The following LRRC4C variants were observed in gnomAD, a reference collection of about 807,000 sequenced individuals.
LRRC4C encodes the protein leucine-rich repeat-containing protein 4C.
A neutral mutation model predicts 33.6 loss-of-function variants in LRRC4C; 5 were observed. The ratio of observed to expected loss-of-function variants is 0.15; its 90% confidence interval spans 0.08 to 0.31. The LOEUF (loss-of-function observed/expected upper bound fraction) is 0.31. Ranked by LOEUF, LRRC4C falls within the 10% of genes least tolerant of loss-of-function variation. LRRC4C has a pLI of 1.00. For synonymous variants in LRRC4C, 329 were observed against 302.0 expected (o/e 1.09, Z -0.93); for missense variants, 560 against 796.7 (o/e 0.70, Z 3.58).
chr11:40,722,481 A>G (rs1273990554), intron 2 of LRRC4C, among the ~76,000 whole-genome samples: 41 of 152,232 alleles, frequency 2.7e-4, no homozygotes, highest in Non-Finnish European at 1.6e-4. Context: ...TCTACAACCA[A>G]GAAACCCACA....
chr11:40,956,727 A>G (rs1958971697), intron 1 of LRRC4C, among the ~76,000 whole-genome samples: 1 of 151,792 alleles, frequency 6.6e-6, no homozygotes. Context: ...CAATATTCTT[A>G]TAACAAGTTA....
At chr11:40,762,895 G>T (rs1949286728) in intron 2 of LRRC4C, among the ~76,000 whole-genome samples, 1 of 151,828 alleles carries the variant, frequency 6.6e-6, no homozygotes, top group Admixed American at 6.6e-5. Context: ...TTTTAGAGAT[G>T]ATATGATGCT....
chr11:40,592,600 G>A (rs1297338490), intron 3 of LRRC4C, among the ~76,000 whole-genome samples: 1 of 152,132 alleles, frequency 6.6e-6, no homozygotes, highest in Non-Finnish European at 1.5e-5. Context: ...TTTTGCAGAT[G>A]TAGAATCTAC....
In LRRC4C at chr11:40,115,345, T is replaced by C; in HGVS notation, c.948A>G (p.Ile316Met). 6.2e-7 allele frequency: 1 copy of C among 1,614,190 alleles called. No individual in the cohort carries two copies. Among genetic ancestry groups the C allele is most frequent in the Non-Finnish European group, 8.5e-7 (1 of 1,180,032 alleles). The change falls in exon 7 of 7, where the codon ATA becomes ATG. Residue 316 changes from isoleucine (I) to methionine (M), a missense_variant. Physicochemically the swap from Ile to Met is conservative, Grantham distance 10. Coordinates refer to ENST00000528697, the MANE Select transcript of LRRC4C (RefSeq NM_001258419.2). This position sits in a 1 kb window ranked among gnomAD's most constrained non-coding sequence, Gnocchi z 6.7. ...NCDILWLSWW[I>M]KDMAPSNTAC... The stretch of plus-strand genomic sequence containing the variant: ...CTGTGTTCGAGGGGGCCATGTCTTT[T>C]ATCCACCAGCTGAGCCACAGTATGT...
chr11:41,096,248 T>C (rs985052538), intron 1 of LRRC4C, among the ~76,000 whole-genome samples: 4 of 152,216 alleles, frequency 2.6e-5, no homozygotes, highest in Non-Finnish European at 5.9e-5. Context: ...ATTTTGTGGT[T>C]CTTCACCTTA....
At chr11:40,353,787 T>G (rs907992475) in intron 3 of LRRC4C, among the ~76,000 whole-genome samples, 2 of 152,216 alleles carry the variant, frequency 1.3e-5, no homozygotes, top group Admixed American at 1.3e-4. Flanking sequence ...TTATCTCCAA[T>G]TTTATTGTGC....
rs530723498 is a variant in LRRC4C, at chr11:40,260,284, CT to C, written c.-175-18687del. ...ATGGATGAAATTGGAAATCATCATTCTCAGTAAATTATCACAAGAACAAAAA... is the reference window on the plus strand; with the variant it reads ...ATGGATGAAATTGGAAATCATCATTCCAGTAAATTATCACAAGAACAAAAA... On this transcript the variant is annotated intron_variant, in intron 4 of 6. Coordinates refer to ENST00000528697, the MANE Select transcript of LRRC4C (RefSeq NM_001258419.2). Among the ~76,000 whole-genome samples, 17 of 139,368 alleles carry C rather than the reference CT, an allele frequency of 1.2e-4. No homozygotes were observed. The South Asian group carries it at 4.4e-3, about 36-fold the overall frequency. 91.4% of individuals were successfully genotyped at this position (139,368 alleles called of 152,430 possible).
At chr11:40,426,012 A>ATT (rs58586544) in intron 3 of LRRC4C, among the ~76,000 whole-genome samples, 18 of 128,656 alleles carry the variant, frequency 1.4e-4, no homozygotes, top group Admixed American at 5.5e-4. Context: ...AGTCAGTTGC[A>ATT]TTTTTTTTTT....
intron 1 of LRRC4C, among the ~76,000 whole-genome samples, chr11:41,241,816 T>C (rs1261844183): frequency 1.3e-5 from 2 of 152,184 alleles, no homozygotes; most frequent in Non-Finnish European, 2.9e-5. Context: ...AGAAATGGTT[T>C]CTTTTCTCTC....
chr11:40,315,681 C>A (rs1945541128), intron 4 of LRRC4C, among the ~76,000 whole-genome samples: 1 of 151,844 alleles, frequency 6.6e-6, no homozygotes, highest in Admixed American at 6.6e-5. Context: ...CTCTAATGAT[C>A]ATGCCTGTAG....
At chr11:41,205,209 A>G (rs942002031) in intron 1 of LRRC4C, among the ~76,000 whole-genome samples, 1 of 152,222 alleles carries the variant, frequency 6.6e-6, no homozygotes, top group East Asian at 1.9e-4. Flanking sequence ...ACATGGATAG[A>G]TCATACAGAG....
intron 2 of LRRC4C, among the ~76,000 whole-genome samples, chr11:40,763,740 A>G (rs1053204370): frequency 9.9e-5 from 15 of 152,194 alleles, no homozygotes; most frequent in Admixed American, 9.8e-4. Context: ...GAATTGAGCC[A>G]GAGCTCAAGG....
intron 3 of LRRC4C, among the ~76,000 whole-genome samples, chr11:40,626,637 T>C (rs745809045): frequency 3.9e-5 from 6 of 152,188 alleles, no homozygotes; most frequent in Non-Finnish European, 8.8e-5. Flanking sequence ...GACTTGTACA[T>C]CATTAACATC....
At position 40,844,240 on chromosome 11, in the gene LRRC4C, A is replaced by AT. The variant is rs949816064; in HGVS notation, c.-407+89394_-407+89395insA. 1.6e-4 allele frequency among the ~76,000 whole-genome samples: 21 copies of AT among 134,462 alleles called. No individual in the cohort carries two copies. In the Middle Eastern group the frequency reaches 0.011, roughly 70 times the overall value. The allele number at this position is 134,462 out of a possible 152,430, so 88.2% of individuals were successfully genotyped here. On this transcript the variant is annotated intron_variant, in intron 2 of 6. Coordinates refer to ENST00000528697, the MANE Select transcript of LRRC4C (RefSeq NM_001258419.2). ...GTACCCTTAAACTTAAAGTATAATAAAAAAAAAAAATACAAAATAAAAAAA... is the reference window on the plus strand; with the variant it reads ...GTACCCTTAAACTTAAAGTATAATAATAAAAAAAAAATACAAAATAAAAAAA...
At chr11:40,152,519 G>T (rs1858307568) in intron 5 of LRRC4C, among the ~76,000 whole-genome samples, 1 of 152,142 alleles carries the variant, frequency 6.6e-6, no homozygotes, top group South Asian at 2.1e-4. Context: ...ATTTTCTTTT[G>T]CACCTGGGAG....
At position 40,948,682 on chromosome 11, in the gene LRRC4C, A is replaced by G. The variant is rs1481531051; in HGVS notation, c.-495-14959T>C. On this transcript the variant is annotated intron_variant, in intron 1 of 6. Coordinates refer to ENST00000528697, the MANE Select transcript of LRRC4C (RefSeq NM_001258419.2). ...GATTTCCAATTTCATCCATGTCCCT[A>G]CAAAGGACATGAACTCATCATTTTT... Among the ~76,000 whole-genome samples the G allele has an allele frequency of 7.4e-5, 11 of 149,098 alleles. No individual in the cohort carries two copies. The East Asian group carries it at 2.0e-3, about 27-fold the overall frequency.
At chr11:40,778,726 G>T (rs1223479465) in intron 2 of LRRC4C, among the ~76,000 whole-genome samples, 4 of 152,128 alleles carry the variant, frequency 2.6e-5, no homozygotes, top group Non-Finnish European at 5.9e-5. Context: ...CAAGAATGAG[G>T]CAGTTGGGTA....
At chr11:40,969,274 T>A in intron 1 of LRRC4C, among the ~76,000 whole-genome samples, 1 of 121,346 alleles carries the variant, frequency 8.2e-6, no homozygotes, top group South Asian at 2.7e-4. Context: ...GTTAGGGAGT[T>A]GTTTCTTATG....
chr11:40,607,691 A>T (rs1960767542), intron 3 of LRRC4C, among the ~76,000 whole-genome samples: 1 of 151,974 alleles, frequency 6.6e-6, no homozygotes, highest in Admixed American at 6.6e-5. Context: ...GTGTGATCCA[A>T]TTTTTCCAGT....
Sources: gnomAD v4.1 joint callset for allele counts (sites outside exome capture counted in the v4.1 genomes callset) on GRCh38, gnomAD v4.1.1 for gene constraint, Gnocchi (gnomAD v3.1) non-coding constraint, MANE v1.5 for transcripts, NCBI Gene and HGNC (gene_info 2026-07-23, HGNC 2026-07-21) for gene names.